The following CCDC60 variants were observed in gnomAD, a reference collection of about 807,000 sequenced individuals.
CCDC60 encodes coiled-coil domain containing 60, also known as coiled-coil domain-containing protein 60.
Under a neutral mutation model 63.5 loss-of-function variants are expected in CCDC60, and 54 were observed. The observed-to-expected ratio is 0.85, with a 90% CI of 0.68 to 1.07. CCDC60 has a LOEUF of 1.07. Ranked by LOEUF, CCDC60 falls within the 50% of genes least tolerant of loss-of-function variation. CCDC60 has a pLI of 0.00. For synonymous variants in CCDC60, 206 were observed against 238.8 expected, an observed-to-expected ratio of 0.86 and a Z score of 1.27; for missense variants, 651 against 684.3, an observed-to-expected ratio of 0.95 and a Z score of 0.54.
intron 4 of CCDC60, among the ~76,000 whole-genome samples, chr12:119,486,687 C>T (rs1295020172): frequency 3.3e-5 from 5 of 152,098 alleles, no homozygotes; most frequent in Non-Finnish European, 7.3e-5. Flanking sequence ...TGGATACAGC[C>T]ACCCTAGTAC....
At chr12:119,506,659 G>A (rs1952015675) in intron 7 of CCDC60, among the ~76,000 whole-genome samples, 1 of 151,626 alleles carries the variant, frequency 6.6e-6, no homozygotes, top group Admixed American at 6.6e-5. Flanking sequence ...GGGAAGGGAA[G>A]GAAAATAGGA....
chr12:119,537,708 C>T (rs1259868544), intron 13 of CCDC60, among the ~76,000 whole-genome samples: 3 of 151,736 alleles, frequency 2.0e-5, no homozygotes, highest in Non-Finnish European at 4.4e-5. Context: ...TGGAGGTCCA[C>T]TCCAGACCCT....
At chr12:119,345,691 A>G (rs562695661) in intron 1 of CCDC60, among the ~76,000 whole-genome samples, 2 of 152,290 alleles carry the variant, frequency 1.3e-5, no homozygotes, top group African/African-American at 4.8e-5. Context: ...TTTCACGGCA[A>G]TATCTTTCCA....
intron 4 of CCDC60, among the ~76,000 whole-genome samples, chr12:119,488,234 T>A (rs967464447): frequency 2.0e-5 from 3 of 152,228 alleles, no homozygotes; most frequent in African/African-American, 7.2e-5. Flanking sequence ...AAGCAATGCA[T>A]CCCATTTTTA....
chr12:119,497,503 C>A (rs1184767870), intron 5 of CCDC60, among the ~76,000 whole-genome samples: 1 of 152,166 alleles, frequency 6.6e-6, no homozygotes, highest in African/African-American at 2.4e-5. Flanking sequence ...ACTCATTTAG[C>A]CTGCTGCTTG....
chr12:119,477,498 G>A (rs556703596), intron 3 of CCDC60, among the ~76,000 whole-genome samples: 3 of 152,332 alleles, frequency 2.0e-5, no homozygotes, highest in East Asian at 1.9e-4. Flanking sequence ...ACTCAGCTTC[G>A]GAAGAGGAGA....
chr12:119,514,342 ATTTTTT>A lies in CCDC60; in HGVS notation c.884-2269_884-2264del, dbSNP rs34264020. ...CAGGCACCTGCCACCACATCTGGCT[ATTTTTT>A]TTTTTTTTTTTGTATTTTTAGTAGA... On this transcript the variant is annotated intron_variant, in intron 7 of 13. Coordinates refer to ENST00000327554, the MANE Select transcript of CCDC60 (RefSeq NM_178499.5). 2.1e-3 allele frequency among the ~76,000 whole-genome samples: 266 copies of A among 127,358 alleles called. 3 individuals are homozygous for A. The highest frequency in any genetic ancestry group is 1.7e-3 in the Non-Finnish European group (105 of 60,368). 83.6% of individuals were successfully genotyped at this position (127,358 alleles called of 152,430 possible). A position where few individuals can be genotyped will look rare whatever the true frequency, so the allele number is the denominator to read the frequency against.
intron 1 of CCDC60, among the ~76,000 whole-genome samples, chr12:119,351,060 A>G (rs955373062): frequency 4.6e-5 from 7 of 152,216 alleles, no homozygotes; most frequent in African/African-American, 1.7e-4. Flanking sequence ...CCCCAGCTGC[A>G]GGGATCTCAT....
At chr12:119,414,284 G>C (rs969187571) in intron 1 of CCDC60, among the ~76,000 whole-genome samples, 87 of 152,080 alleles carry the variant, frequency 5.7e-4, no homozygotes, top group African/African-American at 1.9e-3. Context: ...CTCCCAAAGT[G>C]CTGGGATTAC....
At chr12:119,495,133 T>A (rs1951691938) in intron 5 of CCDC60, among the ~76,000 whole-genome samples, 2 of 152,170 alleles carry the variant, frequency 1.3e-5, no homozygotes, top group African/African-American at 2.4e-5. Flanking sequence ...CATAGAAAAT[T>A]AATTTGCTCA....
intron 11 of CCDC60, chr12:119,524,358 T>C: frequency 1.4e-6 from 1 of 706,596 alleles, no homozygotes; most frequent in Non-Finnish European, 1.7e-6. Context: ...TTTTCTTCCC[T>C]GTTCTGATAA....
At chr12:119,491,985 G>C (rs61938118) in intron 5 of CCDC60, among the ~76,000 whole-genome samples, 9,466 of 152,238 alleles carry the variant, frequency 0.062, 393 homozygotes, top group Non-Finnish European at 0.089. Context: ...AAAAGACGTA[G>C]TGGTCACATT....
intron 7 of CCDC60, among the ~76,000 whole-genome samples, chr12:119,507,594 A>ATG (rs1952074590): frequency 6.5e-5 from 1 of 15,432 alleles, no homozygotes; most frequent in Non-Finnish European, 9.3e-5. Context: ...ATATATACAT[A>ATG]TATATATATA....
chr12:119,444,051 T>C (rs1162850189), intron 2 of CCDC60, among the ~76,000 whole-genome samples: 1 of 152,232 alleles, frequency 6.6e-6, no homozygotes, highest in Non-Finnish European at 1.5e-5. Flanking sequence ...ACTCTGCAGG[T>C]GAGATTTTCT....
At chr12:119,364,862 T>G (rs1955825047) in intron 1 of CCDC60, among the ~76,000 whole-genome samples, 1 of 152,188 alleles carries the variant, frequency 6.6e-6, no homozygotes, top group South Asian at 2.1e-4. Context: ...GTCCAGGGAT[T>G]CAGGAAAAGC....
chr12:119,528,719 G>T lies in CCDC60; in HGVS notation c.1334G>T (p.Gly445Val), dbSNP rs1203457987. Residue 445 changes from glycine (G) to valine (V), a missense_variant, in exon 12 of 14, where the codon GGA becomes GTA. Physicochemically the swap from Gly to Val is moderately radical, Grantham distance 109 (BLOSUM62 -3). Transcript: ENST00000327554. ...AGACATCACATATCTGTAGTAAAAG[G>T]AGATGCAGAAGAAATTGCAGACCAC... is the stretch of plus-strand genomic sequence containing the variant. ...KMRHHISVVKGDAEEIADHWY... is the reference protein window; with the variant it reads ...KMRHHISVVKVDAEEIADHWY... 1.2e-6 allele frequency: 2 copies of T among 1,613,810 alleles called. No homozygotes were observed. Among genetic ancestry groups the T allele is most frequent in the Admixed American group, 1.7e-5 (1 of 59,996 alleles).
intron 3 of CCDC60, among the ~76,000 whole-genome samples, chr12:119,472,839 C>T (rs1175583840): frequency 6.6e-6 from 1 of 152,062 alleles, no homozygotes. Context: ...CCTGAGCTTC[C>T]CAAAGTGCTG....
At chr12:119,359,978 C>T (rs1274356813) in intron 1 of CCDC60, among the ~76,000 whole-genome samples, 1 of 152,112 alleles carries the variant, frequency 6.6e-6, no homozygotes, top group African/African-American at 2.4e-5. Flanking sequence ...AATCTTTTCC[C>T]CACCTTTCCC....
At chr12:119,435,719 C>T (rs761299086) in intron 2 of CCDC60, among the ~76,000 whole-genome samples, 15 of 152,202 alleles carry the variant, frequency 9.9e-5, no homozygotes, top group Admixed American at 4.6e-4. Context: ...GTCATTGTAT[C>T]GGTCAGCTGT....
Sources: gnomAD v4.1 joint callset for allele counts (sites outside exome capture counted in the v4.1 genomes callset) on GRCh38, gnomAD v4.1.1 for gene constraint, MANE v1.5 for transcripts, NCBI Gene and HGNC (gene_info 2026-07-23, HGNC 2026-07-21) for gene names.